The following TMEM144 variants were observed in gnomAD, a reference collection of about 807,000 sequenced individuals.
TMEM144 encodes the protein transmembrane protein 144.
Under a neutral mutation model 43.6 loss-of-function variants are expected in TMEM144, and 39 were observed. The observed-to-expected ratio is 0.90, with a 90% CI of 0.69 to 1.17. The LOEUF is 1.17. Among genes scored for constraint, TMEM144 ranks in the 50% most tolerant of loss-of-function variants. The pLI, the probability that TMEM144 is intolerant of heterozygous loss-of-function variation, is 0.00. For synonymous variants in TMEM144, 154 were observed against 133.6 expected (o/e 1.15, Z -1.06); for missense variants, 417 against 411.9 (o/e 1.01, Z -0.11).
At chr4:158,239,240 C>T (rs1162506654) in intron 9 of TMEM144, among the ~76,000 whole-genome samples, 2 of 152,156 alleles carry the variant, frequency 1.3e-5, no homozygotes, top group Admixed American at 6.5e-5. Flanking sequence ...AGACTTAGAG[C>T]AACAGACAAA....
At chr4:158,219,503 T>G (rs1734407542) in intron 6 of TMEM144, 113 bp downstream of exon 6, 1 of 1,039,030 alleles carries the variant, frequency 9.6e-7, no homozygotes, top group Non-Finnish European at 1.4e-6. Context: ...ATCCACATGC[T>G]TGTTCCTCAG....
At chr4:158,236,009 G>A (rs1452741145) in intron 8 of TMEM144, among the ~76,000 whole-genome samples, 1 of 152,212 alleles carries the variant, frequency 6.6e-6, no homozygotes, top group African/African-American at 2.4e-5. Context: ...TAAGAACTCA[G>A]GGAGTTGGGC....
At chr4:158,225,695 C>T (rs1734730086) in intron 6 of TMEM144, among the ~76,000 whole-genome samples, 1 of 152,304 alleles carries the variant, frequency 6.6e-6, no homozygotes, top group African/African-American at 2.4e-5. Flanking sequence ...TAAAGGTCCA[C>T]GACAATACCA....
chr4:158,215,630 T>C (rs1734185255), intron 4 of TMEM144, among the ~76,000 whole-genome samples: 1 of 152,220 alleles, frequency 6.6e-6, no homozygotes. Context: ...TCTGGCCCTT[T>C]TTTCTAGCAT....
chr4:158,240,534 T>C, intron 10 of TMEM144, 116 bp downstream of exon 10: 1 of 1,096,952 alleles, frequency 9.1e-7, no homozygotes, highest in Non-Finnish European at 1.3e-6. Flanking sequence ...ATGTGGTGTG[T>C]GTGTGTTGTG....
At chr4:158,238,483 TTCTG>T (rs1389362984) in intron 9 of TMEM144, among the ~76,000 whole-genome samples, 1 of 152,210 alleles carries the variant, frequency 6.6e-6, no homozygotes, top group Non-Finnish European at 1.5e-5. Context: ...TTTTACTGAC[TTCTG>T]TCTTTCTTTT....
At chr4:158,235,671 A>G (rs1735308210) in intron 8 of TMEM144, 166 bp downstream of exon 8, 3 of 543,082 alleles carry the variant, frequency 5.5e-6, no homozygotes, top group South Asian at 4.0e-5. Context: ...GCTGAATTTT[A>G]GGTACAGATG....
Position 158,241,555 on chromosome 4 carries a change from C to A in TMEM144, c.849C>A (p.Phe283Leu), listed in dbSNP as rs1735640067. ...GGGCTATAGCTACCTGCTGTTGGTT[C>A]ATAGCAAATCACTCTCTGAGTGCTG... ...VLWAIATCCW[F>L]IANHSLSAVV... is the part of the protein sequence containing the mutation. The change falls in exon 11 of 13, where the codon TTC (phenylalanine) becomes TTA (leucine). Residue 283 changes from phenylalanine to leucine, a missense_variant. Phe to Leu is a conservative substitution (Grantham distance 22). Transcript: ENST00000296529. 6.2e-7 allele frequency: 1 copy of A among 1,613,996 alleles called. No individual in the cohort carries two copies. Among genetic ancestry groups the A allele is most frequent in the South Asian group, 1.1e-5 (1 of 91,078 alleles).
chr4:158,212,192 G>A (rs1733991896), intron 2 of TMEM144: 1 of 152,222 alleles, frequency 6.6e-6, no homozygotes, highest in African/African-American at 2.4e-5. Flanking sequence ...CTAAAAATCT[G>A]AATTGTATTC....
chr4:158,227,361 G>C (rs1734827858), intron 6 of TMEM144, among the ~76,000 whole-genome samples: 1 of 152,108 alleles, frequency 6.6e-6, no homozygotes, highest in Admixed American at 6.5e-5. Flanking sequence ...AAGGATTTTT[G>C]ATAGGAAGGC....
At position 158,215,195 on chromosome 4, in the gene TMEM144, G is replaced by C. The variant is rs772590691; in HGVS notation, c.114G>C (p.Met38Ile). 2.5e-6 allele frequency: 4 copies of C among 1,613,646 alleles called. No homozygotes were observed. The highest frequency in any genetic ancestry group is 4.5e-5 in the East Asian group (2 of 44,856). Residue 38 changes from methionine (M) to isoleucine (I), a missense_variant, in exon 4 of 13, where the codon ATG becomes ATC. Met to Ile is a conservative substitution (Grantham distance 10). Transcript: ENST00000296529. ...PLKKFDTGDG[M>I]FLQWVLCAAI... Reference sequence around the variant, plus strand: ...ACTGAGTTTGTTTATTTCTAGGAATGTTTCTCCAGTGGGTTCTTTGTGCTG... The same window carrying C: ...ACTGAGTTTGTTTATTTCTAGGAATCTTTCTCCAGTGGGTTCTTTGTGCTG...
intron 6 of TMEM144, among the ~76,000 whole-genome samples, chr4:158,227,311 C>G (rs1734823939): frequency 6.6e-6 from 1 of 152,044 alleles, no homozygotes; most frequent in Admixed American, 6.6e-5. Context: ...GTTGCCGCTA[C>G]AGACTGAATG....
At position 158,219,325 on chromosome 4, in the gene TMEM144, A is replaced by G. The variant is rs1448393561; in HGVS notation, c.348A>G (p.Gly116=). Reference sequence around the variant, plus strand: ...GGATTTTCAGGTTTGGCTGGTTTGGATTGGATGCAGAAGAAGTATCAAATC... The same window carrying G: ...GGATTTTCAGGTTTGGCTGGTTTGGGTTGGATGCAGAAGAAGTATCAAATC... ...GWASSRFGWF[G]LDAEEVSNPL... The change falls in exon 6 of 13, where the codon GGA becomes GGG. Residue 116 remains glycine, a synonymous_variant. Coordinates refer to ENST00000296529, the MANE Select transcript of TMEM144 (RefSeq NM_018342.5). The G allele has an allele frequency of 6.2e-7, 1 of 1,613,696 alleles. No individual in the cohort carries two copies. The highest frequency in any genetic ancestry group is 8.5e-7 in the Non-Finnish European group (1 of 1,179,806).
rs74979330 is a variant in TMEM144, at chr4:158,217,691, A to C, written c.332+271A>C. Among the ~76,000 whole-genome samples, 741 of 152,320 alleles carry C rather than the reference A, an allele frequency of 4.9e-3. 10 individuals are homozygous for C. Among genetic ancestry groups the C allele is most frequent in the African/African-American group, 0.017 (698 of 41,570 alleles). Reference sequence around the variant, plus strand: ...AAACTGATTTTTATTGTCCCTTTCTATTGTGTGACAATTTGCTGGACATGT... The same window carrying C: ...AAACTGATTTTTATTGTCCCTTTCTCTTGTGTGACAATTTGCTGGACATGT... On this transcript the variant is annotated intron_variant, in intron 5 of 12. Coordinates refer to ENST00000296529, the MANE Select transcript of TMEM144 (RefSeq NM_018342.5).
Position 158,211,806 on chromosome 4 carries a change from T to A in TMEM144, c.-61+232T>A, listed in dbSNP as rs570123743. On this transcript the variant is annotated intron_variant, in intron 2 of 12. Coordinates refer to ENST00000296529, the MANE Select transcript of TMEM144 (RefSeq NM_018342.5). Reference sequence around the variant, plus strand: ...AGTTTATTGACCAGTTTTGAAGTGATCCTTGTTTTCAGTTAAACTATCTTT... The same window carrying A: ...AGTTTATTGACCAGTTTTGAAGTGAACCTTGTTTTCAGTTAAACTATCTTT... 48 of 152,346 alleles carry A rather than the reference T, an allele frequency of 3.2e-4. 1 individual carries two copies. Among genetic ancestry groups the A allele is most frequent in the African/African-American group, 1.2e-3 (48 of 41,588 alleles). The allele number at this position is 152,346 out of a possible 1,614,324, so 9.4% of individuals were successfully genotyped here.
Position 158,255,271 on chromosome 4 carries a change from T to C in TMEM144, c.*1744T>C, listed in dbSNP as rs990906608. The C allele has an allele frequency of 8.5e-5, 13 of 152,064 alleles. No individual in the cohort carries two copies. Among genetic ancestry groups the C allele is most frequent in the Admixed American group, 7.9e-4 (12 of 15,248 alleles). 9.4% of individuals were successfully genotyped at this position (152,064 alleles called of 1,614,324 possible). A position where few individuals can be genotyped will look rare whatever the true frequency, so the allele number is the denominator to read the frequency against. On this transcript the variant is annotated 3_prime_UTR_variant, in exon 13 of 13. Transcript: ENST00000296529. ...ATTATGCTGATAAACTTTGAATAAA[T>C]TGTGATACAAAAGCTATTTTTCTCA...
intron 7 of TMEM144, 76 bp from the exon 8 acceptor site, chr4:158,235,362 C>T (rs1735286661): frequency 1.4e-6 from 2 of 1,459,054 alleles, no homozygotes; most frequent in Non-Finnish European, 1.9e-6. Context: ...AAGAGAAAAG[C>T]ACTAGAAATA....
At chr4:158,235,274 A>G in intron 7 of TMEM144, 164 bp from the exon 8 acceptor site, 5 of 623,046 alleles carry the variant, frequency 8.0e-6, no homozygotes, top group South Asian at 4.0e-5. Flanking sequence ...AGAGGAAACA[A>G]TTAGAAACAG....
At chr4:158,233,696 C>G (rs970666290) in intron 7 of TMEM144, 3 of 152,344 alleles carry the variant, frequency 2.0e-5, no homozygotes, top group African/African-American at 4.8e-5. Flanking sequence ...CTCCTCACCC[C>G]CAGTGGGGTA....
Sources: gnomAD v4.1 joint callset for allele counts (sites outside exome capture counted in the v4.1 genomes callset) on GRCh38, gnomAD v4.1.1 for gene constraint, MANE v1.5 for transcripts, NCBI Gene and HGNC (gene_info 2026-07-23, HGNC 2026-07-21) for gene names.